The following PIP5K1A variants were observed in gnomAD, a reference collection of about 807,000 sequenced individuals.
The protein encoded by PIP5K1A is phosphatidylinositol-4-phosphate 5-kinase type 1 alpha, also known as phosphatidylinositol 4-phosphate 5-kinase type-1 alpha.
A neutral mutation model predicts 72.9 loss-of-function variants in PIP5K1A; 46 were observed. The ratio of observed to expected loss-of-function variants is 0.63; its 90% CI spans 0.50 to 0.81. The LOEUF (loss-of-function observed/expected upper bound fraction) is 0.81, where lower values mean the gene tolerates loss of function less well. Ranked by LOEUF, PIP5K1A falls within the 30% of genes least tolerant of loss-of-function variation. The probability of loss-of-function intolerance (pLI) is 0.00; values close to 1 mark genes in which losing one functional copy is unlikely to be tolerated. For missense variants in PIP5K1A, 458 were observed against 706.1 expected (o/e 0.65, Z 3.98); for synonymous variants, 228 against 255.1 (o/e 0.89, Z 1.01).
intron 6 of PIP5K1A, 62 bp from the exon 7 acceptor site, chr1:151,232,489 T>C (rs181368079): frequency 8.4e-6 from 13 of 1,554,384 alleles, no homozygotes; most frequent in African/African-American, 1.4e-5. Flanking sequence ...CTGTAGTTGA[T>C]TTTTGTGTTG....
chr1:151,232,877 G>T (rs945232763), intron 7 of PIP5K1A, among the ~76,000 whole-genome samples, 174 bp downstream of exon 7: 1 of 152,060 alleles, frequency 6.6e-6, no homozygotes, highest in African/African-American at 2.4e-5. Context: ...GAGGCAAGAG[G>T]ATCACAAGAT....
chr1:151,221,040 G>T (rs1457567167), intron 1 of PIP5K1A, among the ~76,000 whole-genome samples: 2 of 151,926 alleles, frequency 1.3e-5, no homozygotes, highest in East Asian at 3.9e-4. Context: ...TCTTTTTATG[G>T]TTTCTTTTTT....
intron 4 of PIP5K1A, among the ~76,000 whole-genome samples, chr1:151,230,544 ACT>A (rs1313253974): frequency 6.6e-6 from 1 of 151,884 alleles, no homozygotes; most frequent in Non-Finnish European, 1.5e-5. Flanking sequence ...CTTTTACCAC[ACT>A]GTTGCCCTTT....
At chr1:151,235,284 C>T (rs753350290) in intron 8 of PIP5K1A, among the ~76,000 whole-genome samples, 1 of 152,024 alleles carries the variant, frequency 6.6e-6, no homozygotes, top group South Asian at 2.1e-4. Flanking sequence ...GGTTTCACCA[C>T]GTTGGTCCCG....
intron 9 of PIP5K1A, 55 bp downstream of exon 9, chr1:151,236,818 T>TTTA: frequency 1.7e-4 from 172 of 1,007,060 alleles, no homozygotes; most frequent in Middle Eastern, 2.8e-4. Flanking sequence ...GCACTTTTCT[T>TTTA]TTCTTTTTTT....
chr1:151,196,550 A>ATTTTTTTTTTTTTTTT (rs5777766), upstream of PIP5K1A, among the ~76,000 whole-genome samples: 1 of 114,766 alleles, frequency 8.7e-6, no homozygotes, highest in Non-Finnish European at 1.7e-5. Flanking sequence ...ATGCATGGGG[A>ATTTTTTTTTTTTTTTT]TTTTTTTTTT....
chr1:151,232,114 G>A, intron 5 of PIP5K1A, 134 bp from the exon 6 acceptor site: 1 of 706,506 alleles, frequency 1.4e-6, no homozygotes, highest in Non-Finnish European at 2.5e-6. Flanking sequence ...CATCTAAGAA[G>A]GGCTGTGATT....
At chr1:151,231,887 C>A in intron 5 of PIP5K1A, 86 bp downstream of exon 5, 1 of 1,205,130 alleles carries the variant, frequency 8.3e-7, no homozygotes, top group Non-Finnish European at 1.2e-6. Flanking sequence ...TCAGGTCGGA[C>A]AATTTAGACA....
intron 15 of PIP5K1A, 126 bp downstream of exon 15, chr1:151,247,091 A>G: frequency 2.3e-6 from 1 of 426,066 alleles, no homozygotes; most frequent in Non-Finnish European, 4.2e-6. Flanking sequence ...CTTGTTTTTT[A>G]TTTTTTATTA....
intron 1 of PIP5K1A, among the ~76,000 whole-genome samples, chr1:151,204,120 C>T (rs1041826332): frequency 1.3e-5 from 2 of 152,132 alleles, no homozygotes; most frequent in Non-Finnish European, 1.5e-5. Flanking sequence ...CCCAGCAGAG[C>T]CCTACCTGTA....
chr1:151,246,651 G>A (rs1692552666), intron 14 of PIP5K1A, among the ~76,000 whole-genome samples: 1 of 152,168 alleles, frequency 6.6e-6, no homozygotes, highest in African/African-American at 2.4e-5. Flanking sequence ...GATTATTGGG[G>A]GCAATCTTAG....
chr1:151,226,623 G>A (rs1570907245), intron 3 of PIP5K1A, among the ~76,000 whole-genome samples: 2 of 150,806 alleles, frequency 1.3e-5, no homozygotes, highest in East Asian at 3.9e-4. Context: ...TGAGGCTGGA[G>A]AATCGCTTGA....
chr1:151,238,005 T>C (rs956335728), intron 9 of PIP5K1A, among the ~76,000 whole-genome samples, 177 bp from the exon 10 acceptor site: 1 of 152,146 alleles, frequency 6.6e-6, no homozygotes, highest in Admixed American at 6.6e-5. Context: ...AGGAAGGATC[T>C]CATTTTCTCC....
At position 151,198,749 on chromosome 1, in the gene PIP5K1A, C is replaced by CT. The variant is rs1684778451; in HGVS notation, c.-247dup. On this transcript the variant is annotated 5_prime_UTR_variant, in exon 1 of 16. Transcript: ENST00000368888. ...CTTCTGTGAAAGGGGAAAGTATCCC[C>CT]TGTGGAAAGCGGTTAAACTTGTGGA... 1.7e-6 allele frequency: 1 copy of CT among 584,746 alleles called. No individual in the cohort carries two copies. The allele number at this position is 584,746 out of a possible 1,614,324, so 36.2% of individuals were successfully genotyped here. A position where few individuals can be genotyped will look rare whatever the true frequency, so the allele number is the denominator to read the frequency against.
chr1:151,213,848 T>C (rs1259846194), intron 1 of PIP5K1A, among the ~76,000 whole-genome samples: 1 of 152,098 alleles, frequency 6.6e-6, no homozygotes, highest in East Asian at 1.9e-4. Context: ...CTTTAATTGT[T>C]AAATTATGTA....
intron 1 of PIP5K1A, among the ~76,000 whole-genome samples, chr1:151,211,421 G>T (rs903101261): frequency 6.6e-6 from 1 of 152,156 alleles, no homozygotes; most frequent in African/African-American, 2.4e-5. Context: ...AGAGGTTGAG[G>T]CTGCAGTAAG....
intron 1 of PIP5K1A, among the ~76,000 whole-genome samples, chr1:151,212,623 G>A (rs1686983255): frequency 6.6e-6 from 1 of 151,640 alleles, no homozygotes; most frequent in Non-Finnish European, 1.5e-5. Context: ...TCGCCAGGCT[G>A]GAGTACAGTG....
At chr1:151,247,418 C>T (rs373455559) in intron 15 of PIP5K1A, among the ~76,000 whole-genome samples, 32 of 151,350 alleles carry the variant, frequency 2.1e-4, no homozygotes, top group African/African-American at 7.8e-4. Context: ...TGAGCCATTG[C>T]ACCCAGCCAT....
intron 1 of PIP5K1A, among the ~76,000 whole-genome samples, chr1:151,214,118 AT>A (rs1444497797): frequency 6.6e-6 from 1 of 152,142 alleles, no homozygotes; most frequent in Non-Finnish European, 1.5e-5. Flanking sequence ...AATAATGGTT[AT>A]ATAGTGTTTG....
Sources: allele counts gnomAD v4.1 joint callset (sites outside exome capture counted in the v4.1 genomes callset), GRCh38; gene constraint gnomAD v4.1.1; transcripts MANE v1.5; gene names NCBI Gene and HGNC (gene_info 2026-07-23, HGNC 2026-07-21).